Variants in CDH3 observed in about 807,000 individuals in gnomAD.
CDH3 encodes cadherin 3, also known as cadherin-3.
A neutral mutation model predicts 82.0 loss-of-function variants in CDH3; 54 were observed. The observed-to-expected ratio is 0.66, with a 90% CI of 0.53 to 0.83. The LOEUF is 0.83. Ranked by LOEUF, CDH3 falls within the 40% of genes least tolerant of loss-of-function variation. The pLI, the probability that CDH3 is intolerant of heterozygous loss-of-function variation, is 0.00. For missense variants in CDH3, 1,054 were observed against 1,084.6 expected, an observed-to-expected ratio of 0.97 and a Z score of 0.40; for synonymous variants, 446 against 437.9, an observed-to-expected ratio of 1.02 and a Z score of -0.23.
At chr16:68,658,155 AC>A (rs1446396754) in intron 2 of CDH3, among the ~76,000 whole-genome samples, 3 of 143,234 alleles carry the variant, frequency 2.1e-5, no homozygotes, top group African/African-American at 7.8e-5. Flanking sequence ...CCGCCTCAGC[AC>A]CCCAAAGTTG....
intron 10 of CDH3, 58 bp from the exon 11 acceptor site, chr16:68,685,147 T>C: frequency 1.3e-6 from 2 of 1,599,304 alleles, no homozygotes; most frequent in Non-Finnish European, 1.7e-6. Context: ...AGGCCCTGAA[T>C]GATGACATCA....
At chr16:68,685,092 G>T (rs1481219626) in intron 10 of CDH3, 113 bp from the exon 11 acceptor site, 8 of 1,315,814 alleles carry the variant, frequency 6.1e-6, no homozygotes, top group Non-Finnish European at 7.6e-6. Context: ...TTTTCCATAT[G>T]ATCCTGCTTA....
chr16:68,721,618 G>T (rs1962165835), intron 1 of CDH3, among the ~76,000 whole-genome samples: 1 of 152,046 alleles, frequency 6.6e-6, no homozygotes, highest in South Asian at 2.1e-4. Flanking sequence ...CCTGCTCTTG[G>T]GTCTAACCTC....
intron 1 of CDH3, among the ~76,000 whole-genome samples, chr16:68,710,660 A>G (rs1597827822): frequency 6.6e-6 from 1 of 151,236 alleles, no homozygotes; most frequent in East Asian, 2.0e-4. Context: ...CCTGGCCAAC[A>G]TGGCAAAACC....
intron 2 of CDH3, among the ~76,000 whole-genome samples, chr16:68,660,980 AAAG>A (rs1256172565): frequency 5.3e-5 from 8 of 150,484 alleles, no homozygotes; most frequent in African/African-American, 1.0e-4. Context: ...AAAAAAAAAA[AAAG>A]AAGAAAATTA....
In CDH3 at chr16:68,707,780, G is replaced by C. The variant is rs1251045252; in HGVS notation, c.99+11857G>C. Among the ~76,000 whole-genome samples, 1 of 152,132 alleles carries C rather than the reference G, an allele frequency of 6.6e-6. No homozygotes were observed. Among genetic ancestry groups the C allele is most frequent in the African/African-American group, 2.4e-5 (1 of 41,424 alleles). ...TTAGGCCCTCTCCAAGTTAGAGGTGGGGTGGGAAGCCACCCCTGCATTCCC... is the reference window on the plus strand; with the variant it reads ...TTAGGCCCTCTCCAAGTTAGAGGTGCGGTGGGAAGCCACCCCTGCATTCCC... On this transcript the variant is annotated intron_variant, in intron 1 of 2. Transcript: ENST00000569080. The surrounding 1 kb of genome is among the most constrained non-coding windows in gnomAD (Gnocchi z 4.5).
chr16:68,677,927 T>A (rs1597806152), intron 3 of CDH3, among the ~76,000 whole-genome samples: 1 of 96,336 alleles, frequency 1.0e-5, no homozygotes, highest in African/African-American at 5.4e-5. Flanking sequence ...CACCCTTAAC[T>A]TTTTTTTTTT....
Position 68,645,329 on chromosome 16 carries a change from G to T in CDH3, c.-51G>T, listed in dbSNP as rs1439683638. The stretch of plus-strand genomic sequence containing the variant: ...GTGCTCAAAGGGGCAAGAGCTGAGC[G>T]GAACACCGGCCCGCCGTCGCGGCAG... On this transcript the variant is annotated 5_prime_UTR_variant, in exon 1 of 16. Transcript: ENST00000264012. 2 of 1,593,172 alleles carry T rather than the reference G, an allele frequency of 1.3e-6. No homozygotes were observed. The highest frequency in any genetic ancestry group is 2.2e-5 in the East Asian group (1 of 44,452).
intron 2 of CDH3, among the ~76,000 whole-genome samples, chr16:68,668,538 C>T (rs982809005): frequency 5.9e-5 from 9 of 152,194 alleles, no homozygotes; most frequent in African/African-American, 2.2e-4. Flanking sequence ...GAAGACTACT[C>T]ATGTTCCTAC....
intron 2 of CDH3, among the ~76,000 whole-genome samples, chr16:68,646,340 G>A (rs1597785820): frequency 1.3e-5 from 2 of 152,154 alleles, no homozygotes; most frequent in Non-Finnish European, 2.9e-5. Context: ...CTGGGCTGGG[G>A]CCATCACGTA....
rs567038413 is a variant in CDH3 at position 68,681,743 on chromosome 16, C to CA, written c.997-558dup. 2.3e-3 allele frequency among the ~76,000 whole-genome samples: 346 copies of CA among 152,254 alleles called. 2 individuals are homozygous for CA. Among genetic ancestry groups the CA allele is most frequent in the African/African-American group, 8.1e-3 (335 of 41,538 alleles). ...GTCCCAGCTACTTGGGAAGCTGAGA[C>CA]ATGAGGATCGCTTGAGCTTGGGAGG... On this transcript the variant is annotated intron_variant, in intron 8 of 15. Transcript: ENST00000264012.
In CDH3 at chr16:68,698,431, G is replaced by A. The variant is rs1242362714; in HGVS notation, c.*31G>A. The A allele has an allele frequency of 3.8e-6, 6 of 1,599,532 alleles. No individual in the cohort carries two copies. Among genetic ancestry groups the A allele is most frequent in the Non-Finnish European group, 2.6e-6 (3 of 1,167,808 alleles). ...CTGCCTGCAGGGCTGGGGACCAAAC[G>A]TCAGGCCACAGAGCATCTCCAAGGG... On this transcript the variant is annotated 3_prime_UTR_variant, in exon 16 of 16. Transcript: ENST00000264012.
Position 68,698,415 on chromosome 16 carries a change from G to A in CDH3, c.*15G>A. 6.2e-7 allele frequency: 1 copy of A among 1,612,460 alleles called. No homozygotes were observed. The highest frequency in any genetic ancestry group is 1.1e-5 in the South Asian group (1 of 91,026). ...AGGACGACTAGGCGGCCTGCCTGCA[G>A]GGCTGGGGACCAAACGTCAGGCCAC... is the stretch of plus-strand genomic sequence containing the variant. On this transcript the variant is annotated 3_prime_UTR_variant, in exon 16 of 16. Coordinates refer to ENST00000264012, the MANE Select transcript of CDH3 (RefSeq NM_001793.6).
chr16:68,672,205 T>TAAAG (rs1567444935), intron 2 of CDH3, among the ~76,000 whole-genome samples: 1 of 143,672 alleles, frequency 7.0e-6, no homozygotes, highest in Admixed American at 7.0e-5. Flanking sequence ...AAAAAAAAAA[T>TAAAG]AAATAAATAA....
At chr16:68,654,479 G>T in intron 2 of CDH3, among the ~76,000 whole-genome samples, 2 of 124,052 alleles carry the variant, frequency 1.6e-5, no homozygotes, top group Non-Finnish European at 3.2e-5. Flanking sequence ...GAGGCAGGCG[G>T]ATCACCTGAG....
chr16:68,655,857 C>T (rs1339414703), intron 2 of CDH3, among the ~76,000 whole-genome samples: 9 of 151,768 alleles, frequency 5.9e-5, no homozygotes, highest in African/African-American at 2.2e-4. Flanking sequence ...AGCGAGACGC[C>T]GTCTCAAAAA....
rs753909070 is a variant in CDH3, at chr16:68,681,087, C to G, written c.987C>G (p.Asp329Glu). The change falls in exon 8 of 16, where the codon GAC (aspartate) becomes GAG (glutamate). Residue 329 changes from aspartate (D) to glutamate (E), a missense_variant. Asp to Glu is a conservative substitution (Grantham distance 45). Transcript: ENST00000264012. Reference protein sequence around the residue: ...LDANDNAPMFDPQKYEAHVPE... With the variant: ...LDANDNAPMFEPQKYEAHVPE... Reference sequence around the variant, plus strand: ...CCAATGACAATGCTCCCATGTTTGACCCCCAGAAGGTAATGCCCCTTCCTC... The same window carrying G: ...CCAATGACAATGCTCCCATGTTTGAGCCCCAGAAGGTAATGCCCCTTCCTC... The G allele has an allele frequency of 5.6e-6, 9 of 1,613,836 alleles. No homozygotes were observed.
At chr16:68,731,037 AAAAAAAAAAAATATATATATATAT>A (rs1962277396), downstream of CDH3, among the ~76,000 whole-genome samples, 3 of 32,670 alleles carry the variant, frequency 9.2e-5, 1 homozygote, top group Non-Finnish European at 2.5e-4. Context: ...AAAAAAAAAA[AAAAAAAAAAAATATATATATATAT>A]ATATATATAT....
chr16:68,727,734 C>A (rs1163684675), downstream of CDH3, among the ~76,000 whole-genome samples: 1 of 151,972 alleles, frequency 6.6e-6, no homozygotes, highest in African/African-American at 2.4e-5. Flanking sequence ...CATGGTGAAA[C>A]CCCATCTGTA....
Sources: allele counts gnomAD v4.1 joint callset (sites outside exome capture counted in the v4.1 genomes callset), GRCh38; gene constraint gnomAD v4.1.1; non-coding constraint Gnocchi (gnomAD v3.1); transcripts MANE v1.5; gene names NCBI Gene and HGNC (gene_info 2026-07-23, HGNC 2026-07-21).